SCGN: variants seen among roughly 807,000 people sequenced by gnomAD.
The protein encoded by SCGN is secretagogin.
In SCGN, 30 loss-of-function variants were observed where a neutral mutation model predicts 39.7. The ratio of observed to expected loss-of-function variants is 0.76; its 90% confidence interval spans 0.57 to 1.03. SCGN has a LOEUF of 1.03. SCGN is among the 50% of genes least tolerant of loss of function. The pLI, the probability that SCGN is intolerant of heterozygous loss-of-function variation, is 0.00. For missense variants in SCGN, 353 were observed against 349.4 expected (o/e 1.01, Z -0.08); for synonymous variants, 106 against 114.1 (o/e 0.93, Z 0.45).
intron 2 of SCGN, among the ~76,000 whole-genome samples, chr6:25,656,583 C>T (rs913316934): frequency 2.0e-5 from 3 of 152,126 alleles, no homozygotes; most frequent in African/African-American, 7.2e-5. Context: ...TGTACATACC[C>T]CTCACATACA....
In SCGN at chr6:25,652,604, G is replaced by A; in HGVS notation, c.82+119G>A. The A allele has an allele frequency of 6.2e-6, 5 of 811,180 alleles. No homozygotes were observed. The South Asian group carries it at 7.9e-5, about 13-fold the overall frequency. 50.2% of individuals were successfully genotyped at this position (811,180 alleles called of 1,614,324 possible). A position where few individuals can be genotyped will look rare whatever the true frequency, so the allele number is the denominator to read the frequency against. On this transcript the variant is annotated intron_variant, in intron 1 of 10. Coordinates refer to ENST00000377961, the MANE Select transcript of SCGN (RefSeq NM_006998.4). Reference sequence around the variant, plus strand: ...AAAGTTATCGACCTGGGTTGTTAATGCAGTGTACCTAATACAGTATCATTA... The same window carrying A: ...AAAGTTATCGACCTGGGTTGTTAATACAGTGTACCTAATACAGTATCATTA...
At chr6:25,672,551 G>C (rs1347950055) in intron 6 of SCGN, among the ~76,000 whole-genome samples, 2 of 152,178 alleles carry the variant, frequency 1.3e-5, no homozygotes, top group Non-Finnish European at 2.9e-5. Flanking sequence ...AAGGCCCCTA[G>C]TGCAAGAGCG....
At chr6:25,686,343 C>T (rs548902619) in intron 7 of SCGN, among the ~76,000 whole-genome samples, 3 of 152,150 alleles carry the variant, frequency 2.0e-5, no homozygotes, top group Admixed American at 6.5e-5. Flanking sequence ...AACAATGTAT[C>T]AGGATTTTAA....
At chr6:25,661,690 G>GT in intron 3 of SCGN, 46 bp downstream of exon 3, 6 of 1,275,962 alleles carry the variant, frequency 4.7e-6, no homozygotes, top group South Asian at 1.2e-5. Flanking sequence ...CTTCTTGACT[G>GT]TTTTTTTCTT....
At chr6:25,665,091 GC>G in intron 4 of SCGN, 59 bp downstream of exon 4, 1 of 1,341,554 alleles carries the variant, frequency 7.5e-7, no homozygotes, top group Non-Finnish European at 1.1e-6. Flanking sequence ...TACGATCTTA[GC>G]CACCTGCTGT....
At chr6:25,672,961 A>G (rs949522643) in intron 6 of SCGN, among the ~76,000 whole-genome samples, 5 of 152,122 alleles carry the variant, frequency 3.3e-5, no homozygotes, top group African/African-American at 1.2e-4. Context: ...TGGGTCTTGT[A>G]CCCCACTAGC....
intron 10 of SCGN, among the ~76,000 whole-genome samples, chr6:25,693,912 G>A (rs1759806411): frequency 6.6e-6 from 1 of 152,136 alleles, no homozygotes; most frequent in Admixed American, 6.5e-5. Flanking sequence ...CCAAACCTCA[G>A]TTTCCTCATC....
At chr6:25,681,218 C>T (rs910869736) in intron 6 of SCGN, among the ~76,000 whole-genome samples, 1 of 152,200 alleles carries the variant, frequency 6.6e-6, no homozygotes, top group Non-Finnish European at 1.5e-5. Flanking sequence ...AATGCTAAGT[C>T]TCTCTATGAA....
intron 2 of SCGN, among the ~76,000 whole-genome samples, chr6:25,659,390 C>T (rs566346003): frequency 1.3e-3 from 200 of 152,260 alleles, no homozygotes; most frequent in African/African-American, 4.5e-3. Flanking sequence ...CAACAAGGTG[C>T]GGTGGAAAGT....
At chr6:25,660,397 CTA>C (rs1760316444) in intron 2 of SCGN, among the ~76,000 whole-genome samples, 1 of 152,190 alleles carries the variant, frequency 6.6e-6, no homozygotes, top group Admixed American at 6.5e-5. Context: ...CTTTTGCTGA[CTA>C]TAATATCACC....
chr6:25,693,115 G>A (rs1484076807), intron 10 of SCGN, among the ~76,000 whole-genome samples: 5 of 151,958 alleles, frequency 3.3e-5, no homozygotes, highest in African/African-American at 1.2e-4. Context: ...ATAGTCCCTG[G>A]GATATCAAAT....
intron 10 of SCGN, among the ~76,000 whole-genome samples, chr6:25,691,327 A>G (rs940661103): frequency 5.3e-5 from 8 of 152,234 alleles, no homozygotes; most frequent in Non-Finnish European, 1.2e-4. Flanking sequence ...ACATGAAGCT[A>G]TCATACAAGT....
chr6:25,696,655 C>T (rs1759841512), intron 10 of SCGN, among the ~76,000 whole-genome samples: 1 of 152,284 alleles, frequency 6.6e-6, no homozygotes, highest in South Asian at 2.1e-4. Flanking sequence ...GATCCATTGT[C>T]AAGTTTTAGC....
chr6:25,655,389 C>G (rs1178405298), intron 2 of SCGN, among the ~76,000 whole-genome samples: 1 of 152,132 alleles, frequency 6.6e-6, no homozygotes, highest in African/African-American at 2.4e-5. Context: ...TTTTGGCTAA[C>G]CTTAGAAGCA....
intron 7 of SCGN, among the ~76,000 whole-genome samples, chr6:25,682,406 G>C (rs1310259218): frequency 1.3e-5 from 2 of 152,120 alleles, no homozygotes; most frequent in African/African-American, 4.8e-5. Context: ...TGCACTCTGT[G>C]TTCTTGAAGT....
chr6:25,670,755 T>A (rs1170665862), intron 6 of SCGN, among the ~76,000 whole-genome samples: 1 of 152,228 alleles, frequency 6.6e-6, no homozygotes, highest in African/African-American at 2.4e-5. Context: ...AGACTATTTT[T>A]GTGTCAAGCT....
At chr6:25,678,386 TA>T (rs1407276371) in intron 6 of SCGN, among the ~76,000 whole-genome samples, 1 of 152,214 alleles carries the variant, frequency 6.6e-6, no homozygotes, top group Non-Finnish European at 1.5e-5. Context: ...TTCTTTTTTT[TA>T]AATTCAATAA....
chr6:25,655,978 C>A (rs1007177268), intron 2 of SCGN, among the ~76,000 whole-genome samples: 1 of 152,170 alleles, frequency 6.6e-6, no homozygotes, highest in African/African-American at 2.4e-5. Flanking sequence ...CCTTTCAAAA[C>A]GCTGAGGCAT....
intron 2 of SCGN, among the ~76,000 whole-genome samples, chr6:25,656,995 A>G (rs1760237952): frequency 6.6e-6 from 1 of 152,236 alleles, no homozygotes; most frequent in South Asian, 2.1e-4. Flanking sequence ...TTCTTAATCT[A>G]AAAGATCAAG....
Sources: gnomAD v4.1 joint callset for allele counts (sites outside exome capture counted in the v4.1 genomes callset) on GRCh38, gnomAD v4.1.1 for gene constraint, MANE v1.5 for transcripts, NCBI Gene and HGNC (gene_info 2026-07-23, HGNC 2026-07-21) for gene names.